Variants in NUBPL observed in about 807,000 individuals in gnomAD.
The protein encoded by NUBPL is iron-sulfur cluster transfer protein NUBPL.
In NUBPL, 31 loss-of-function variants were observed where a neutral mutation model predicts 45.7. The ratio of observed to expected loss-of-function variants is 0.68; its 90% confidence interval spans 0.51 to 0.92. The LOEUF (loss-of-function observed/expected upper bound fraction) is 0.92. Among genes scored for constraint, NUBPL ranks in the 40% least tolerant of loss-of-function variants. NUBPL has a pLI of 0.00. For synonymous variants in NUBPL, 144 were observed against 140.9 expected (o/e 1.02, Z -0.15); for missense variants, 401 against 398.7 (o/e 1.01, Z -0.05).
At chr14:31,581,687 G>A (rs958797316) in intron 3 of NUBPL, among the ~76,000 whole-genome samples, 2 of 152,198 alleles carry the variant, frequency 1.3e-5, no homozygotes, top group African/African-American at 4.8e-5. Flanking sequence ...CTTTACACAT[G>A]TTAAATGTAA....
chr14:31,561,413 G>T lies in NUBPL; in HGVS notation c.-27G>T. On this transcript the variant is annotated 5_prime_UTR_variant, in exon 1 of 11. Coordinates refer to ENST00000281081, the MANE Select transcript of NUBPL (RefSeq NM_025152.3). ...CCGCGCCACCCGCGACAGTTTCCCA[G>T]CAGGGCTCACAGCAGCGTTCCGCGT... is the stretch of plus-strand genomic sequence containing the variant. The T allele has an allele frequency of 1.5e-6, 2 of 1,306,846 alleles. No homozygotes were observed. The highest frequency in any genetic ancestry group is 2.9e-5 in the East Asian group (1 of 34,678). The allele number at this position is 1,306,846 out of a possible 1,614,324, so 81.0% of individuals were successfully genotyped here. A position where few individuals can be genotyped will look rare whatever the true frequency, so the allele number is the denominator to read the frequency against.
intron 4 of NUBPL, among the ~76,000 whole-genome samples, chr14:31,648,865 G>A (rs1389596238): frequency 1.3e-5 from 2 of 152,216 alleles, no homozygotes; most frequent in African/African-American, 4.8e-5. Context: ...CTGGAGCGCA[G>A]TGGTGCTATC....
Position 31,792,266 on chromosome 14 carries a change from A to T in NUBPL, c.607+4393A>T, listed in dbSNP as rs1414124883. ...AATAAATTTATCTGTGAATATGCCTAAATTTGTGCACCCCGATGGGATGAA... is the reference window on the plus strand; with the variant it reads ...AATAAATTTATCTGTGAATATGCCTTAATTTGTGCACCCCGATGGGATGAA... On this transcript the variant is annotated intron_variant, in intron 7 of 10. Coordinates refer to ENST00000281081, the MANE Select transcript of NUBPL (RefSeq NM_025152.3). Among the ~76,000 whole-genome samples the T allele has an allele frequency of 2.0e-5, 3 of 152,312 alleles. No homozygotes were observed. The Middle Eastern group carries it at 0.01, about 518-fold the overall frequency.
intron 4 of NUBPL, among the ~76,000 whole-genome samples, chr14:31,662,420 T>G (rs2036294342): frequency 2.0e-5 from 3 of 152,112 alleles, no homozygotes; most frequent in Non-Finnish European, 2.9e-5. Flanking sequence ...ATCTAGGCTT[T>G]TAAGCCCCAC....
intron 6 of NUBPL, among the ~76,000 whole-genome samples, chr14:31,762,700 C>A (rs1249232804): frequency 6.6e-6 from 1 of 152,136 alleles, no homozygotes; most frequent in Non-Finnish European, 1.5e-5. Flanking sequence ...GAAATTGTTG[C>A]TCCTGCACAT....
chr14:31,680,699 C>A (rs751351338), intron 6 of NUBPL, among the ~76,000 whole-genome samples: 1 of 152,036 alleles, frequency 6.6e-6, no homozygotes, highest in East Asian at 1.9e-4. Flanking sequence ...ATGTGGTATT[C>A]GCATACAATC....
intron 4 of NUBPL, among the ~76,000 whole-genome samples, chr14:31,633,782 C>G (rs2035408057): frequency 6.6e-6 from 1 of 151,674 alleles, no homozygotes; most frequent in Non-Finnish European, 1.5e-5. Context: ...TGAGAATCAC[C>G]TAATTCTTTT....
chr14:31,654,569 T>C (rs991841884), intron 4 of NUBPL, among the ~76,000 whole-genome samples: 1 of 152,030 alleles, frequency 6.6e-6, no homozygotes, highest in African/African-American at 2.4e-5. Context: ...CCACCACACC[T>C]GGCTAATTTT....
chr14:31,683,352 C>CTTTTTTTTTTTTTTTTTTTTTTTTTTT (rs34890900), intron 6 of NUBPL, among the ~76,000 whole-genome samples: 5 of 91,030 alleles, frequency 5.5e-5, no homozygotes, highest in African/African-American at 8.3e-5. Flanking sequence ...ATAAAACAAT[C>CTTTTTTTTTTTTTTTTTTTTTTTTTTT]TTTTTTTTTT....
intron 4 of NUBPL, among the ~76,000 whole-genome samples, chr14:31,666,263 A>ATATATATATATATAT: frequency 2.7e-5 from 3 of 111,884 alleles, no homozygotes; most frequent in Non-Finnish European, 5.7e-5. Context: ...ATATATATAT[A>ATATATATATATATAT]ATTTTATTTT....
intron 7 of NUBPL, among the ~76,000 whole-genome samples, chr14:31,792,589 T>C (rs1427822350): frequency 6.6e-6 from 1 of 152,118 alleles, no homozygotes; most frequent in Non-Finnish European, 1.5e-5. Flanking sequence ...TAAGTCAGTA[T>C]TAAAATGGAT....
At chr14:31,852,958 T>C (rs2040561095) in intron 10 of NUBPL, among the ~76,000 whole-genome samples, 1 of 152,256 alleles carries the variant, frequency 6.6e-6, no homozygotes, top group South Asian at 2.1e-4. Flanking sequence ...ATGTCTTCAT[T>C]TAAAGAATGA....
At chr14:31,562,039 C>G in intron 1 of NUBPL, 29 bp from the exon 2 acceptor site, 1 of 1,549,860 alleles carries the variant, frequency 6.5e-7, no homozygotes, top group Non-Finnish European at 8.7e-7. Flanking sequence ...TTATTTAAAA[C>G]GGCTTTTTAT....
At chr14:31,779,926 T>G (rs1461060963) in intron 6 of NUBPL, among the ~76,000 whole-genome samples, 1 of 152,216 alleles carries the variant, frequency 6.6e-6, no homozygotes, top group Non-Finnish European at 1.5e-5. Flanking sequence ...AAGTGACAGT[T>G]TTCATTCACT....
intron 6 of NUBPL, among the ~76,000 whole-genome samples, chr14:31,761,852 T>TTTCTGTG (rs1404537709): frequency 6.6e-6 from 1 of 152,178 alleles, no homozygotes; most frequent in Non-Finnish European, 1.5e-5. Flanking sequence ...GGATATATAG[T>TTTCTGTG]TTCTGTGTTC....
intron 4 of NUBPL, among the ~76,000 whole-genome samples, chr14:31,637,361 A>C (rs4627234): frequency 1 from 151,884 of 152,250 alleles, 75,760 homozygotes; most frequent in Middle Eastern, 1. Context: ...GTAGTCATTC[A>C]GGAGCAGGTT....
At chr14:31,684,957 G>GA in intron 6 of NUBPL, among the ~76,000 whole-genome samples, 1 of 152,142 alleles carries the variant, frequency 6.6e-6, no homozygotes, top group South Asian at 2.1e-4. Flanking sequence ...AGGAAAAGGA[G>GA]TTAGTAAACA....
intron 8 of NUBPL, among the ~76,000 whole-genome samples, chr14:31,829,824 G>A (rs2040161669): frequency 6.6e-6 from 1 of 152,128 alleles, no homozygotes; most frequent in Non-Finnish European, 1.5e-5. Context: ...GAGAAGAGAT[G>A]AGCTATTAAA....
chr14:31,639,943 G>A (rs1003531317), intron 4 of NUBPL, among the ~76,000 whole-genome samples: 2 of 152,172 alleles, frequency 1.3e-5, no homozygotes, highest in Admixed American at 6.5e-5. Context: ...TTGGAAAAGC[G>A]CAGTATTAGG....
Sources: allele counts gnomAD v4.1 joint callset (sites outside exome capture counted in the v4.1 genomes callset), GRCh38; gene constraint gnomAD v4.1.1; transcripts MANE v1.5; gene names NCBI Gene and HGNC (gene_info 2026-07-23, HGNC 2026-07-21).